ANXA8: variants seen among roughly 807,000 people sequenced by gnomAD.
ANXA8 encodes the protein annexin A8.
In ANXA8, 9 loss-of-function variants were observed where a neutral mutation model predicts 26.8. The ratio of observed to expected loss-of-function variants is 0.34; its 90% CI spans 0.20 to 0.59. The LOEUF is 0.59. Among genes scored for constraint, ANXA8 ranks in the 20% least tolerant of loss-of-function variants. ANXA8 has a pLI of 0.84. For missense variants in ANXA8, 83 were observed against 238.5 expected (o/e 0.35, Z 4.29); for synonymous variants, 39 against 94.8 (o/e 0.41, Z 3.42).
At chr10:47,990,402 G>C in the ANXA8 span, among the ~76,000 whole-genome samples, 4 of 61,994 alleles carry the variant, frequency 6.5e-5, 2 homozygotes, top group Non-Finnish European at 1.7e-4. Flanking sequence ...TCAAAGGCAG[G>C]TTCCCAGCAG....
chr10:47,982,326 C>T, the ANXA8 span, among the ~76,000 whole-genome samples: 1 of 151,200 alleles, frequency 6.6e-6, no homozygotes, highest in African/African-American at 2.4e-5. Context: ...CCCCAAACCC[C>T]AAAGAAAACC....
chr10:47,930,034 C>A, the ANXA8 span, among the ~76,000 whole-genome samples: 4 of 152,160 alleles, frequency 2.6e-5, no homozygotes, highest in African/African-American at 9.6e-5. Flanking sequence ...CACTACCCTT[C>A]CCCTCACCCA....
the ANXA8 span, among the ~76,000 whole-genome samples, chr10:47,595,530 A>G: frequency 6.7e-6 from 1 of 149,236 alleles, no homozygotes; most frequent in Non-Finnish European, 1.5e-5. Context: ...CTCACAACTA[A>G]TGACACTCAT....
At chr10:47,607,972 T>G in the ANXA8 span, among the ~76,000 whole-genome samples, 3 of 144,306 alleles carry the variant, frequency 2.1e-5, no homozygotes, top group South Asian at 2.2e-4. Context: ...ATTTTATTAT[T>G]GTAGTTATTT....
the ANXA8 span, among the ~76,000 whole-genome samples, chr10:47,771,463 A>T: frequency 1.3e-5 from 2 of 151,102 alleles, no homozygotes; most frequent in African/African-American, 2.4e-5. Flanking sequence ...GGATTTTGAA[A>T]TGCTGACCAA....
the ANXA8 span, chr10:47,599,965 A>G: frequency 6.7e-6 from 1 of 149,808 alleles, no homozygotes; most frequent in Non-Finnish European, 1.5e-5. Flanking sequence ...CAATATTTGT[A>G]CAGATTATGG....
Position 47,474,965 on chromosome 10 carries a change from G to C in ANXA8, c.532C>G (p.Leu178Val), listed in dbSNP as rs1479617905. 42 of 1,529,322 alleles carry C rather than the reference G, an allele frequency of 2.7e-5. 14 individuals are homozygous for C. The East Asian group carries it at 1.2e-3, about 44-fold the overall frequency. The allele number at this position is 1,529,322 out of a possible 1,614,324, so 94.7% of individuals were successfully genotyped here. The change falls in exon 7 of 12, where the codon CTG becomes GTG. Residue 178 changes from leucine (L) to valine (V), a missense_variant. This residue lies in a region of ANXA8 where 24 missense variants were observed against 30.6 expected (regional missense o/e 0.78). Transcript: ENST00000585281. ...CTCACCTGTGCGTCTTGGAGGGCCA[G>C]TCCTGGGTCCACAAAGCTGCTCACA... The part of the protein sequence containing the change: ...DDVSSFVDPG[L>V]ALQDAQDLYA...
chr10:47,624,347 A>T, the ANXA8 span, among the ~76,000 whole-genome samples: 113 of 123,918 alleles, frequency 9.1e-4, 1 homozygote, highest in African/African-American at 3.0e-3. Flanking sequence ...ACAAAACATT[A>T]GTTGTAATGA....
At chr10:47,508,114 G>A in the ANXA8 span, among the ~76,000 whole-genome samples, 1 of 124,846 alleles carries the variant, frequency 8.0e-6, no homozygotes, top group Non-Finnish European at 1.7e-5. Flanking sequence ...GCCCAGGCTG[G>A]AGTGCAATGG....
At chr10:47,691,527 G>A in the ANXA8 span, among the ~76,000 whole-genome samples, 6 of 144,924 alleles carry the variant, frequency 4.1e-5, no homozygotes, top group Non-Finnish European at 6.0e-5. Context: ...TGTAATCCCA[G>A]CACTTTGGGA....
At chr10:47,509,891 A>G in the ANXA8 span, among the ~76,000 whole-genome samples, 2 of 137,564 alleles carry the variant, frequency 1.5e-5, no homozygotes, top group African/African-American at 2.7e-5. Context: ...AAAACATTCA[A>G]TAAAGGGAAC....
At chr10:47,521,787 T>C in the ANXA8 span, among the ~76,000 whole-genome samples, 3 of 149,198 alleles carry the variant, frequency 2.0e-5, no homozygotes, top group Non-Finnish European at 1.5e-5. Context: ...AACTCTTTCC[T>C]TTTTTTTTTG....
the ANXA8 span, among the ~76,000 whole-genome samples, chr10:47,686,735 T>C: frequency 6.6e-6 from 1 of 151,846 alleles, no homozygotes; most frequent in Non-Finnish European, 1.5e-5. Context: ...AGCGGAATGT[T>C]TCAGAAAAGA....
chr10:47,665,978 T>G, the ANXA8 span, among the ~76,000 whole-genome samples: 1 of 151,886 alleles, frequency 6.6e-6, no homozygotes, highest in East Asian at 1.9e-4. Context: ...AAGTTTTCAC[T>G]CTTAATTGCT....
the ANXA8 span, chr10:47,762,863 C>T: frequency 6.9e-7 from 1 of 1,440,938 alleles, no homozygotes; most frequent in South Asian, 1.3e-5. Context: ...GGCCCAGGCC[C>T]AGGCCCGGCG....
the ANXA8 span, among the ~76,000 whole-genome samples, chr10:47,628,476 G>A: frequency 0.044 from 6,252 of 141,366 alleles, 10 homozygotes; most frequent in African/African-American, 0.12. Flanking sequence ...TCTCAATTAT[G>A]TTTGAATTCT....
chr10:47,572,973 C>A, the ANXA8 span, among the ~76,000 whole-genome samples: 107 of 149,622 alleles, frequency 7.2e-4, no homozygotes, highest in Non-Finnish European at 1.2e-3. Flanking sequence ...TTGCCAGAGC[C>A]CTTCTCCAAT....
At chr10:47,651,283 CA>C in the ANXA8 span, among the ~76,000 whole-genome samples, 30,941 of 133,588 alleles carry the variant, frequency 0.23, 91 homozygotes, top group South Asian at 0.29. Flanking sequence ...AAAAAAATCT[CA>C]AAAAAAAAAA....
chr10:47,922,651 CAGT>C, the ANXA8 span: 1 of 1,604,724 alleles, frequency 6.2e-7, no homozygotes, highest in Non-Finnish European at 8.5e-7. Flanking sequence ...GCTCCTCTTC[CAGT>C]ACTGCCTCCC....
Sources: gnomAD v4.1 joint callset for allele counts (sites outside exome capture counted in the v4.1 genomes callset) on GRCh38, gnomAD v4.1.1 for gene constraint, gnomAD v4.1.1 regional missense constraint, MANE v1.5 for transcripts, NCBI Gene and HGNC (gene_info 2026-07-23, HGNC 2026-07-21) for gene names.